Variants in CSGALNACT1 observed in about 807,000 individuals in gnomAD.
CSGALNACT1 encodes chondroitin sulfate N-acetylgalactosaminyltransferase 1.
A neutral mutation model predicts 51.0 loss-of-function variants in CSGALNACT1; 52 were observed. The ratio of observed to expected loss-of-function variants is 1.02; its 90% CI spans 0.82 to 1.29. The LOEUF (loss-of-function observed/expected upper bound fraction) is 1.29, where lower values mean the gene tolerates loss of function less well. Among genes scored for constraint, CSGALNACT1 ranks in the 50% most tolerant of loss-of-function variants. The pLI, the probability that CSGALNACT1 is intolerant of heterozygous loss-of-function variation, is 0.00. For missense variants in CSGALNACT1, 935 were observed against 679.2 expected (o/e 1.38, Z -4.19); for synonymous variants, 341 against 254.4 (o/e 1.34, Z -3.24).
At chr8:19,513,430 C>CTATA (rs1457528458) in intron 3 of CSGALNACT1, among the ~76,000 whole-genome samples, 34 of 78,714 alleles carry the variant, frequency 4.3e-4, no homozygotes, top group Non-Finnish European at 4.8e-4. Flanking sequence ...CTCTCTCTCT[C>CTATA]TCTCTCTATA....
chr8:19,445,026 A>G (rs1466506149), intron 5 of CSGALNACT1, among the ~76,000 whole-genome samples: 1 of 152,230 alleles, frequency 6.6e-6, no homozygotes, highest in Non-Finnish European at 1.5e-5. Context: ...CTGGTGGAAG[A>G]AAGAGCACCT....
intron 3 of CSGALNACT1, among the ~76,000 whole-genome samples, chr8:19,536,990 C>G (rs530536592): frequency 8.5e-5 from 13 of 152,220 alleles, no homozygotes; most frequent in African/African-American, 2.6e-4. Flanking sequence ...AATCCTAAAT[C>G]CCCCTCCAAC....
intron 3 of CSGALNACT1, among the ~76,000 whole-genome samples, chr8:19,542,009 A>G (rs868180442): frequency 1.4e-4 from 21 of 152,202 alleles, no homozygotes; most frequent in African/African-American, 4.8e-4. Flanking sequence ...ACACAAAAGA[A>G]GAGAAAACTT....
chr8:19,756,226 TA>T (rs1554478028), intron 1 of CSGALNACT1, among the ~76,000 whole-genome samples: 61 of 149,546 alleles, frequency 4.1e-4, no homozygotes, highest in Middle Eastern at 3.4e-3. Context: ...ATTTCCAGTT[TA>T]AAAAAAAAAA....
intron 1 of CSGALNACT1, among the ~76,000 whole-genome samples, chr8:19,619,245 G>A (rs1425474582): frequency 7.0e-6 from 1 of 142,472 alleles, no homozygotes; most frequent in Non-Finnish European, 1.5e-5. Context: ...TTCTAGACAG[G>A]GTCGGGGGGG....
chr8:19,564,632 A>G (rs1257216257), intron 3 of CSGALNACT1, among the ~76,000 whole-genome samples: 1 of 152,116 alleles, frequency 6.6e-6, no homozygotes, highest in Admixed American at 6.5e-5. Context: ...CAGTGCATCC[A>G]CAGCACTCAC....
chr8:19,660,616 T>C (rs1323822934), intron 1 of CSGALNACT1, among the ~76,000 whole-genome samples: 1 of 152,132 alleles, frequency 6.6e-6, no homozygotes, highest in Non-Finnish European at 1.5e-5. Context: ...CTGAGTTAAT[T>C]TGTGTGCCAC....
chr8:19,486,128 A>G (rs1246240752), intron 4 of CSGALNACT1, among the ~76,000 whole-genome samples: 5 of 147,476 alleles, frequency 3.4e-5, no homozygotes, highest in African/African-American at 1.2e-4. Context: ...TCTTTGGGAG[A>G]AAAAAAAAAC....
chr8:19,478,313 C>G (rs1319534909), intron 4 of CSGALNACT1, among the ~76,000 whole-genome samples: 5 of 147,954 alleles, frequency 3.4e-5, no homozygotes, highest in African/African-American at 1.2e-4. Context: ...ACTCGGGAGG[C>G]TGAGGCAGGA....
intron 6 of CSGALNACT1, among the ~76,000 whole-genome samples, chr8:19,424,792 T>C (rs2058518691): frequency 6.6e-6 from 1 of 152,160 alleles, no homozygotes; most frequent in African/African-American, 2.4e-5. Flanking sequence ...ACACTTCAAC[T>C]CAAATCACTG....
At chr8:19,442,857 C>T (rs117522861) in intron 5 of CSGALNACT1, among the ~76,000 whole-genome samples, 1,773 of 152,250 alleles carry the variant, frequency 0.012, 13 homozygotes, top group Non-Finnish European at 0.02. Context: ...CAAAGGTCAA[C>T]AGTCATTCTC....
intron 5 of CSGALNACT1, among the ~76,000 whole-genome samples, chr8:19,449,200 T>G (rs181370815): frequency 3.9e-5 from 6 of 152,158 alleles, no homozygotes; most frequent in Non-Finnish European, 7.3e-5. Context: ...TGTTCATACA[T>G]AACCCCTGGC....
At chr8:19,698,589 C>T (rs1589575077) in intron 1 of CSGALNACT1, among the ~76,000 whole-genome samples, 1 of 152,126 alleles carries the variant, frequency 6.6e-6, no homozygotes, top group East Asian at 1.9e-4. Context: ...AATCTGGAGG[C>T]ACTACTGATA....
chr8:19,514,970 C>T (rs575501484), intron 3 of CSGALNACT1, among the ~76,000 whole-genome samples: 11 of 152,296 alleles, frequency 7.2e-5, no homozygotes, highest in Admixed American at 3.3e-4. Flanking sequence ...CTGGAGCCCA[C>T]AGATACCTAG....
chr8:19,420,456 C>A (rs775201242), exon 7 of CSGALNACT1: 1 of 1,614,190 alleles, frequency 6.2e-7, no homozygotes, highest in Admixed American at 1.7e-5. Flanking sequence ...AACATCAAGT[C>A]CCTTTCCCCG....
intron 1 of CSGALNACT1, among the ~76,000 whole-genome samples, chr8:19,712,732 C>T (rs996562217): frequency 6.6e-6 from 1 of 152,210 alleles, no homozygotes; most frequent in Non-Finnish European, 1.5e-5. Context: ...AACCAAAATG[C>T]ATGGATGGAC....
intron 4 of CSGALNACT1, among the ~76,000 whole-genome samples, chr8:19,485,117 C>A (rs1014077856): frequency 1.3e-5 from 2 of 152,164 alleles, no homozygotes; most frequent in East Asian, 1.9e-4. Context: ...CAATGATGGC[C>A]ACCATCAGTT....
At chr8:19,633,155 C>G (rs1031389342) in intron 1 of CSGALNACT1, among the ~76,000 whole-genome samples, 6 of 152,058 alleles carry the variant, frequency 3.9e-5, no homozygotes, top group Non-Finnish European at 7.4e-5. Context: ...TGAGGGACCT[C>G]TGGCACAGGA....
intron 1 of CSGALNACT1, among the ~76,000 whole-genome samples, chr8:19,672,682 T>C (rs191963602): frequency 1.3e-5 from 2 of 151,638 alleles, no homozygotes; most frequent in South Asian, 2.1e-4. Context: ...ATCTTTTTAA[T>C]AGTTCATAAA....
Sources: gnomAD v4.1 joint callset for allele counts (sites outside exome capture counted in the v4.1 genomes callset) on GRCh38, gnomAD v4.1.1 for gene constraint, MANE v1.5 for transcripts, NCBI Gene and HGNC (gene_info 2026-07-23, HGNC 2026-07-21) for gene names.